Variants in RELN observed in about 807,000 individuals in gnomAD.
RELN encodes the protein reelin.
Under a neutral mutation model 427.6 loss-of-function variants are expected in RELN, and 108 were observed. The observed-to-expected ratio is 0.25, with a 90% confidence interval of 0.22 to 0.30. The LOEUF (loss-of-function observed/expected upper bound fraction) is 0.30. Ranked by LOEUF, RELN falls within the 10% of genes least tolerant of loss-of-function variation. The probability of loss-of-function intolerance (pLI) is 1.00; values close to 1 mark genes in which losing one functional copy is unlikely to be tolerated. For missense variants in RELN, 3,715 were observed against 4,302.8 expected (o/e 0.86, Z 3.82); for synonymous variants, 1,524 against 1,513.4 (o/e 1.01, Z -0.16).
At chr7:103,881,204 C>T (rs1178524916) in intron 2 of RELN, among the ~76,000 whole-genome samples, 1 of 152,162 alleles carries the variant, frequency 6.6e-6, no homozygotes, top group African/African-American at 2.4e-5. Context: ...TTAACAAGGC[C>T]ACTGAGCACC....
intron 10 of RELN, among the ~76,000 whole-genome samples, chr7:103,684,385 C>T (rs1833719285): frequency 6.6e-6 from 1 of 152,092 alleles, no homozygotes; most frequent in South Asian, 2.1e-4. Flanking sequence ...GATAGTGTCC[C>T]CGGTCCTTGC....
At chr7:103,878,561 G>C (rs1322465796) in intron 2 of RELN, among the ~76,000 whole-genome samples, 1 of 152,100 alleles carries the variant, frequency 6.6e-6, no homozygotes, top group Non-Finnish European at 1.5e-5. Context: ...GCTGACTAGA[G>C]GTGTGTGAAT....
In RELN at chr7:103,491,961, C is replaced by T. The variant is rs1419567927; in HGVS notation, c.9435G>A (p.Lys3145=). ...DLHSVMLEYT[K]DARSDSWQLV... is the part of the protein sequence containing the mutation. ...AAAATTATTTCACAAACCTTGCATC[C>T]TTAGTGTATTCCAGCATTACGGAAT... The change falls in exon 58 of 65, where the codon AAG becomes AAA. Residue 3145 remains lysine, a synonymous_variant. Transcript: ENST00000428762. The T allele has an allele frequency of 1.2e-6, 2 of 1,604,480 alleles. No homozygotes were observed. Among genetic ancestry groups the T allele is most frequent in the African/African-American group, 1.3e-5 (1 of 74,484 alleles).
At chr7:103,477,956 G>C (rs1444280970) in intron 64 of RELN, among the ~76,000 whole-genome samples, 1 of 152,182 alleles carries the variant, frequency 6.6e-6, no homozygotes, top group Non-Finnish European at 1.5e-5. Context: ...CTTCAGCATA[G>C]TAGGTCTTTT....
At chr7:103,907,551 G>A (rs1351179190) in intron 2 of RELN, among the ~76,000 whole-genome samples, 1 of 151,850 alleles carries the variant, frequency 6.6e-6, no homozygotes, top group Non-Finnish European at 1.5e-5. Context: ...AGGGGCTGAG[G>A]GGAGAAGAGA....
intron 1 of RELN, among the ~76,000 whole-genome samples, chr7:103,967,764 C>G (rs777785497): frequency 2.0e-5 from 3 of 152,182 alleles, no homozygotes; most frequent in Non-Finnish European, 4.4e-5. Flanking sequence ...TATAGGTACA[C>G]CTTTGCTTAT....
chr7:103,497,453 T>G (rs1186155797), intron 55 of RELN, among the ~76,000 whole-genome samples: 2 of 152,152 alleles, frequency 1.3e-5, no homozygotes, highest in Non-Finnish European at 2.9e-5. Context: ...ATAGCATTTA[T>G]TACATGCTTA....
At chr7:103,608,130 C>A (rs1831862159) in intron 22 of RELN, among the ~76,000 whole-genome samples, 1 of 152,184 alleles carries the variant, frequency 6.6e-6, no homozygotes, top group Non-Finnish European at 1.5e-5. Flanking sequence ...AAAAAGATTA[C>A]TGCTACAAAC....
At chr7:103,499,786 T>C (rs1733845005) in intron 53 of RELN, among the ~76,000 whole-genome samples, 1 of 152,194 alleles carries the variant, frequency 6.6e-6, no homozygotes, top group Non-Finnish European at 1.5e-5. Context: ...TTATAATTTA[T>C]AGATTTGTAC....
At chr7:103,745,492 G>A (rs557812249) in intron 6 of RELN, among the ~76,000 whole-genome samples, 1 of 145,876 alleles carries the variant, frequency 6.9e-6, no homozygotes, top group East Asian at 1.9e-4. Context: ...GTTTGCAGAC[G>A]ACATGATTGT....
At position 103,914,777 on chromosome 7, in the gene RELN, A is replaced by G. The variant is rs117428987; in HGVS notation, c.337+2298T>C. On this transcript the variant is annotated intron_variant, in intron 2 of 64. Transcript: ENST00000428762. ...AATGTGACTCACAGCCTGAACTCTT[A>G]TCCCCCCACATCTGGCTCCTTCTTG... 3.7e-3 allele frequency among the ~76,000 whole-genome samples: 560 copies of G among 152,192 alleles called. 10 individuals are homozygous for G. In the East Asian group the frequency reaches 0.058, roughly 16 times the overall value.
intron 7 of RELN, among the ~76,000 whole-genome samples, chr7:103,727,393 T>C (rs1181598548): frequency 6.6e-6 from 1 of 152,150 alleles, no homozygotes; most frequent in Admixed American, 6.6e-5. Context: ...TGCTTTTATA[T>C]TATTTTCCAG....
chr7:103,611,598 A>G lies in RELN; in HGVS notation c.2895+13T>C. 6.2e-7 allele frequency: 1 copy of G among 1,611,378 alleles called. No individual in the cohort carries two copies. The highest frequency in any genetic ancestry group is 8.5e-7 in the Non-Finnish European group (1 of 1,178,298). On this transcript the variant is annotated intron_variant, in intron 21 of 64. Transcript: ENST00000428762. ...AGGTTACCTGTTACAAGGTTTAAGG[A>G]AACTAGACTTACTTCTTGGACGAGG...
chr7:103,779,746 T>C (rs1791838752), intron 3 of RELN, among the ~76,000 whole-genome samples: 2 of 152,194 alleles, frequency 1.3e-5, no homozygotes, highest in African/African-American at 4.8e-5. Context: ...TTCTTTCTGT[T>C]GAGATGGAGT....
At chr7:103,594,749 A>G (rs1186055760) in intron 25 of RELN, among the ~76,000 whole-genome samples, 5 of 152,212 alleles carry the variant, frequency 3.3e-5, no homozygotes, top group Non-Finnish European at 5.9e-5. Context: ...AGTTTGATTC[A>G]TTGAACTATA....
At chr7:103,642,349 G>GGTT (rs1562936417) in intron 16 of RELN, among the ~76,000 whole-genome samples, 2 of 112,736 alleles carry the variant, frequency 1.8e-5, no homozygotes, top group African/African-American at 3.5e-5. Context: ...ATTTCATAGT[G>GGTT]TTTTTTTTTT....
chr7:103,483,530 A>G, intron 62 of RELN, 123 bp downstream of exon 62: 1 of 990,768 alleles, frequency 1.0e-6, no homozygotes, highest in Non-Finnish European at 1.6e-6. Context: ...TCGTTCTGCC[A>G]CCACCTAGTT....
chr7:103,799,938 A>C (rs1048116944), intron 3 of RELN, among the ~76,000 whole-genome samples: 1 of 151,494 alleles, frequency 6.6e-6, no homozygotes, highest in African/African-American at 2.5e-5. Context: ...ATCTCAATAG[A>C]TGCAGAAAAG....
chr7:103,652,470 C>A lies in RELN; in HGVS notation c.1763+81G>T. On this transcript the variant is annotated intron_variant, in intron 14 of 64. Transcript: ENST00000428762. ...TACTTAAAATCCAGTTAAAACTCTA[C>A]CTAGAAACTACCTCTTATTTAATAG... 12 of 1,108,676 alleles carry A rather than the reference C, an allele frequency of 1.1e-5. No individual in the cohort carries two copies. In the South Asian group the frequency reaches 1.6e-4, roughly 14 times the overall value. 68.7% of individuals were successfully genotyped at this position (1,108,676 alleles called of 1,614,324 possible). A position where few individuals can be genotyped will look rare whatever the true frequency, so the allele number is the denominator to read the frequency against.
Sources: gnomAD v4.1 joint callset for allele counts (sites outside exome capture counted in the v4.1 genomes callset) on GRCh38, gnomAD v4.1.1 for gene constraint, MANE v1.5 for transcripts, NCBI Gene and HGNC (gene_info 2026-07-23, HGNC 2026-07-21) for gene names.